The following MAP4K4 variants were observed in gnomAD, a reference collection of about 807,000 sequenced individuals.
MAP4K4 encodes HPK/GCK-like kinase HGK.
In MAP4K4, 38 loss-of-function variants were observed where a neutral mutation model predicts 189.6. That is an observed-to-expected ratio of 0.20 (90% CI 0.15 to 0.26). The LOEUF (loss-of-function observed/expected upper bound fraction) is 0.26, where lower values mean the gene tolerates loss of function less well. Among genes scored for constraint, MAP4K4 ranks in the 10% least tolerant of loss-of-function variants. The pLI is 1.00. For synonymous variants in MAP4K4, 610 were observed against 624.3 expected, an observed-to-expected ratio of 0.98 and a Z score of 0.34; for missense variants, 1,054 against 1,726.9, an observed-to-expected ratio of 0.61 and a Z score of 6.91.
At chr2:101,717,607 CT>C (rs2049133242) in intron 2 of MAP4K4, among the ~76,000 whole-genome samples, 1 of 152,140 alleles carries the variant, frequency 6.6e-6, no homozygotes, top group Non-Finnish European at 1.5e-5. Flanking sequence ...TACCAGGTGA[CT>C]TTTTAGCTTT....
chr2:101,838,215 C>G (rs1214142852), intron 9 of MAP4K4, among the ~76,000 whole-genome samples: 6 of 152,174 alleles, frequency 3.9e-5, no homozygotes, highest in Admixed American at 3.9e-4. Flanking sequence ...ACTGATGGCT[C>G]CAACCTCAAA....
chr2:101,842,524 C>A, intron 10 of MAP4K4, 85 bp from the exon 11 acceptor site: 2 of 929,444 alleles, frequency 2.2e-6, no homozygotes, highest in African/African-American at 1.7e-5. Context: ...TATTTTCTGC[C>A]AAGGTGCTCC....
intron 2 of MAP4K4, among the ~76,000 whole-genome samples, chr2:101,756,669 C>T (rs2072984633): frequency 1.3e-5 from 2 of 151,998 alleles, no homozygotes; most frequent in Admixed American, 1.3e-4. Flanking sequence ...ATCCTCCCAC[C>T]TCAGCTTCCT....
chr2:101,858,544 T>C (rs1374335928), intron 13 of MAP4K4, among the ~76,000 whole-genome samples: 1 of 152,216 alleles, frequency 6.6e-6, no homozygotes, highest in Non-Finnish European at 1.5e-5. Flanking sequence ...TGTATTTTAT[T>C]ATTAAGCAGG....
At chr2:101,724,916 G>C (rs1334673006) in intron 2 of MAP4K4, among the ~76,000 whole-genome samples, 1 of 152,114 alleles carries the variant, frequency 6.6e-6, no homozygotes, top group Non-Finnish European at 1.5e-5. Flanking sequence ...TTTACTCTAT[G>C]TTTTCTGTGT....
intron 2 of MAP4K4, among the ~76,000 whole-genome samples, chr2:101,723,126 A>G (rs2053188214): frequency 6.6e-6 from 1 of 152,200 alleles, no homozygotes; most frequent in South Asian, 2.1e-4. Flanking sequence ...GTGAGAACTC[A>G]CTCACTATCA....
At position 101,859,052 on chromosome 2, in the gene MAP4K4, G is replaced by A. The variant is rs201866487; in HGVS notation, c.1452G>A (p.Gln484=). ...AGCGGCACTTGGAAGTCCTTCAGCA[G>A]CAGCTGCTCCAGGAGCAGGCCATGT... The change falls in exon 14 of 33, where the codon CAG becomes CAA. Residue 484 remains glutamine (Q), a synonymous_variant. Coordinates refer to ENST00000324219, the Ensembl canonical transcript of MAP4K4. 116 of 1,612,384 alleles carry A rather than the reference G, an allele frequency of 7.2e-5. No individual in the cohort carries two copies. In the African/African-American group the frequency reaches 1.3e-3, roughly 19 times the overall value.
chr2:101,821,080 T>TA (rs563348676), intron 3 of MAP4K4, among the ~76,000 whole-genome samples: 405 of 152,282 alleles, frequency 2.7e-3, no homozygotes, highest in Non-Finnish European at 4.8e-3. Flanking sequence ...TTAAGATGGT[T>TA]ATCTAGTATT....
intron 24 of MAP4K4, among the ~76,000 whole-genome samples, chr2:101,873,229 A>G (rs1456792784): frequency 7.2e-5 from 11 of 152,278 alleles, no homozygotes; most frequent in Admixed American, 5.9e-4. Context: ...ACAATTGCCA[A>G]TATTCCAGCA....
At chr2:101,726,987 G>A (rs2055773497) in intron 2 of MAP4K4, among the ~76,000 whole-genome samples, 1 of 152,104 alleles carries the variant, frequency 6.6e-6, no homozygotes, top group African/African-American at 2.4e-5. Context: ...GGGTGAGCAT[G>A]CTAACTCATG....
chr2:101,866,443 G>C lies in MAP4K4; in HGVS notation c.2220G>C (p.Arg740Ser), dbSNP rs766369975. Reference sequence around the variant, plus strand: ...TTTCTAACAGCAGTATTGAGCCCAGGCTTCTGTGGGAGAGAGTGGAGAAGC... The same window carrying C: ...TTTCTAACAGCAGTATTGAGCCCAGCCTTCTGTGGGAGAGAGTGGAGAAGC... Residue 740 changes from arginine (R) to serine (S), a missense_variant, in exon 19 of 33, where the codon AGG becomes AGC. This residue lies in a region of MAP4K4 where 646 missense variants were observed against 796.2 expected (regional missense o/e 0.81). Coordinates refer to ENST00000324219, the Ensembl canonical transcript of MAP4K4. The C allele has an allele frequency of 6.2e-7, 1 of 1,612,914 alleles. No homozygotes were observed. Among genetic ancestry groups the C allele is most frequent in the South Asian group, 1.1e-5 (1 of 91,056 alleles).
At chr2:101,738,811 T>C (rs2061493008) in intron 2 of MAP4K4, among the ~76,000 whole-genome samples, 1 of 152,040 alleles carries the variant, frequency 6.6e-6, no homozygotes, top group South Asian at 2.1e-4. Context: ...ACTGTCTGCC[T>C]GGCTGCCACC....
chr2:101,790,602 G>T, intron 2 of MAP4K4, 118 bp from the exon 3 acceptor site: 1 of 712,718 alleles, frequency 1.4e-6, no homozygotes, highest in South Asian at 1.5e-5. Context: ...CATCACTTTT[G>T]GTTAGTCAGA....
rs777925092 is a variant in MAP4K4 at position 101,790,703 on chromosome 2, T to C, written c.124-17T>C. 48 of 1,597,826 alleles carry C rather than the reference T, an allele frequency of 3.0e-5. No homozygotes were observed. Among genetic ancestry groups the C allele is most frequent in the Non-Finnish European group, 4.1e-5 (48 of 1,170,012 alleles). On this transcript the variant is annotated splice_polypyrimidine_tract_variant and intron_variant, in intron 2 of 32. Coordinates refer to ENST00000324219, the Ensembl canonical transcript of MAP4K4. ...AAAATTGGTGCTGATTTTTGATCTA[T>C]TTTTTCTGTTTTTCAGGGTCGACAT...
chr2:101,732,530 C>T (rs996674987), intron 2 of MAP4K4, among the ~76,000 whole-genome samples: 1 of 152,068 alleles, frequency 6.6e-6, no homozygotes, highest in Non-Finnish European at 1.5e-5. Flanking sequence ...GAAAAGCTGC[C>T]TCTCCTTTCT....
chr2:101,698,033 C>A, exon 1 of MAP4K4: 1 of 1,260,162 alleles, frequency 7.9e-7, no homozygotes, highest in Non-Finnish European at 1.0e-6. Context: ...ATACACAGAG[C>A]GACAGAGACA....
Position 101,796,648 on chromosome 2 carries a change from A to G in MAP4K4, c.180+5872A>G, listed in dbSNP as rs1021477606. Among the ~76,000 whole-genome samples, 3 of 152,116 alleles carry G rather than the reference A, an allele frequency of 2.0e-5. No individual in the cohort carries two copies. The East Asian group carries it at 5.8e-4, about 29-fold the overall frequency. On this transcript the variant is annotated intron_variant, in intron 3 of 32. Transcript: ENST00000324219. Reference sequence around the variant, plus strand: ...CTTGACCACACTTCTCCTTTTTAAAATTTGTTTTTAGCAGATTTGTCAGAG... The same window carrying G: ...CTTGACCACACTTCTCCTTTTTAAAGTTTGTTTTTAGCAGATTTGTCAGAG...
chr2:101,868,148 C>G (rs775494271), intron 21 of MAP4K4, 111 bp downstream of exon 21: 12 of 1,206,804 alleles, frequency 9.9e-6, no homozygotes, highest in Non-Finnish European at 1.4e-5. Context: ...ACTTCTTGTT[C>G]TTTTCTAGAA....
intron 2 of MAP4K4, among the ~76,000 whole-genome samples, chr2:101,755,622 C>G (rs1051764339): frequency 6.6e-5 from 10 of 152,120 alleles, no homozygotes; most frequent in Admixed American, 3.9e-4. Flanking sequence ...GCTGCACACT[C>G]TTTTCTTCTT....
Sources: gnomAD v4.1 joint callset for allele counts (sites outside exome capture counted in the v4.1 genomes callset) on GRCh38, gnomAD v4.1.1 for gene constraint, gnomAD v4.1.1 regional missense constraint, MANE v1.5 for transcripts, NCBI Gene and HGNC (gene_info 2026-07-23, HGNC 2026-07-21) for gene names.